Variants in MECOM observed in about 807,000 individuals in gnomAD.
MECOM encodes the protein histone-lysine N-methyltransferase MECOM.
In MECOM, 13 loss-of-function variants were observed where a neutral mutation model predicts 116.3. That is an observed-to-expected ratio of 0.11 (90% CI 0.07 to 0.18). The LOEUF (loss-of-function observed/expected upper bound fraction) is 0.18. MECOM is among the 10% of genes least tolerant of loss of function. The probability of loss-of-function intolerance (pLI) is 1.00; values close to 1 mark genes in which losing one functional copy is unlikely to be tolerated. For missense variants in MECOM, 1,299 were observed against 1,509.0 expected, an observed-to-expected ratio of 0.86 and a Z score of 2.31; for synonymous variants, 528 against 535.2, an observed-to-expected ratio of 0.99 and a Z score of 0.19.
intron 1 of MECOM, among the ~76,000 whole-genome samples, chr3:169,578,137 C>A (rs1482632130): frequency 6.6e-6 from 1 of 151,856 alleles, no homozygotes; most frequent in African/African-American, 2.4e-5. Context: ...AATTATAAGC[C>A]CTGTTCATTA....
intron 1 of MECOM, among the ~76,000 whole-genome samples, chr3:169,483,005 T>G (rs1751562944): frequency 6.6e-6 from 1 of 152,134 alleles, no homozygotes. Context: ...AGGTTTCACT[T>G]TGGTCCATAT....
intron 1 of MECOM, among the ~76,000 whole-genome samples, chr3:169,536,862 T>C (rs779911887): frequency 6.6e-6 from 1 of 152,192 alleles, no homozygotes; most frequent in African/African-American, 2.4e-5. Context: ...AATTGATTTT[T>C]CTAACATTAT....
intron 2 of MECOM, among the ~76,000 whole-genome samples, chr3:169,261,927 C>T (rs1757608894): frequency 6.6e-6 from 1 of 152,196 alleles, no homozygotes; most frequent in Non-Finnish European, 1.5e-5. Context: ...CTATCTGTAG[C>T]TACAAAGAGG....
At position 169,397,701 on chromosome 3, in the gene MECOM, G is replaced by C. The variant is rs144234833; in HGVS notation, c.38-16177C>G. Reference sequence around the variant, plus strand: ...GACACGACCTTGATAACATTCTCAAGAGTTTTAAATTCAGTTAGGTTCAGA... The same window carrying C: ...GACACGACCTTGATAACATTCTCAACAGTTTTAAATTCAGTTAGGTTCAGA... On this transcript the variant is annotated intron_variant, in intron 1 of 16. Transcript: ENST00000651503. Among the ~76,000 whole-genome samples the C allele has an allele frequency of 3.7e-4, 57 of 152,244 alleles. 1 individual carries two copies. The East Asian group carries it at 9.6e-3, about 26-fold the overall frequency.
In MECOM at chr3:169,548,194, A is replaced by C. The variant is rs924532605; in HGVS notation, c.37+115142T>G. On this transcript the variant is annotated intron_variant, in intron 1 of 16. Coordinates refer to ENST00000651503, the MANE Select transcript of MECOM (RefSeq NM_004991.4). ...TCAAAGGAAGTCACACACACACAAAAAAAAAGAAAGAAAAACTTTAAAAAT... is the reference window on the plus strand; with the variant it reads ...TCAAAGGAAGTCACACACACACAAACAAAAAGAAAGAAAAACTTTAAAAAT... Among the ~76,000 whole-genome samples the C allele has an allele frequency of 5.3e-5, 8 of 152,204 alleles. No individual in the cohort carries two copies. In the East Asian group the frequency reaches 1.2e-3, roughly 22 times the overall value.
At chr3:169,109,438 G>T (rs1726573792) in intron 9 of MECOM, among the ~76,000 whole-genome samples, 1 of 147,386 alleles carries the variant, frequency 6.8e-6, no homozygotes, top group South Asian at 2.1e-4. Context: ...TTTTGAGTTG[G>T]ACTTTCACTC....
chr3:169,377,801 A>G (rs1731294599), intron 2 of MECOM, among the ~76,000 whole-genome samples: 1 of 152,194 alleles, frequency 6.6e-6, no homozygotes, highest in Non-Finnish European at 1.5e-5. Flanking sequence ...ATACCATTTC[A>G]CCCAGCAATC....
chr3:169,248,851 C>T (rs1322075541), intron 2 of MECOM, among the ~76,000 whole-genome samples: 1 of 152,098 alleles, frequency 6.6e-6, no homozygotes, highest in Non-Finnish European at 1.5e-5. Flanking sequence ...TCAGAAGAAA[C>T]CAAGCCTGCC....
chr3:169,145,666 A>T (rs1739670262), intron 2 of MECOM: 1 of 224,838 alleles, frequency 4.4e-6, no homozygotes, highest in Non-Finnish European at 8.9e-6. Context: ...GACGTGGAAA[A>T]CTTGTTAATT....
intron 1 of MECOM, among the ~76,000 whole-genome samples, chr3:169,620,316 G>T (rs796546442): frequency 6.6e-6 from 1 of 152,100 alleles, no homozygotes; most frequent in South Asian, 2.1e-4. Context: ...TGTTAATGAC[G>T]AAGGCCTTTA....
At chr3:169,316,816 T>C (rs911015657) in intron 2 of MECOM, among the ~76,000 whole-genome samples, 1 of 152,196 alleles carries the variant, frequency 6.6e-6, no homozygotes, top group African/African-American at 2.4e-5. Context: ...GCCTCCCAAA[T>C]TGCAGGGATT....
intron 10 of MECOM, among the ~76,000 whole-genome samples, chr3:169,103,833 G>A (rs565191649): frequency 1.3e-5 from 2 of 152,262 alleles, no homozygotes; most frequent in East Asian, 1.9e-4. Flanking sequence ...GGAATATTGT[G>A]TGTTTGATTC....
At chr3:169,432,741 T>C (rs574970371) in intron 1 of MECOM, among the ~76,000 whole-genome samples, 2 of 152,340 alleles carry the variant, frequency 1.3e-5, no homozygotes, top group East Asian at 3.9e-4. Context: ...TATCAAAGAC[T>C]ACAAACAGTG....
At chr3:169,173,234 C>T (rs1264707727) in intron 2 of MECOM, among the ~76,000 whole-genome samples, 1 of 152,086 alleles carries the variant, frequency 6.6e-6, no homozygotes, top group Non-Finnish European at 1.5e-5. Flanking sequence ...TCATTTTCTA[C>T]TTCTCTGGAT....
intron 1 of MECOM, among the ~76,000 whole-genome samples, chr3:169,605,101 G>T (rs6771699): frequency 6.6e-6 from 1 of 151,864 alleles, no homozygotes; most frequent in Non-Finnish European, 1.5e-5. Context: ...CTGAGTGGGA[G>T]GTTTAGTCAA....
At chr3:169,246,468 A>C (rs74697836) in intron 2 of MECOM, among the ~76,000 whole-genome samples, 2,535 of 152,176 alleles carry the variant, frequency 0.017, 37 homozygotes, top group Non-Finnish European at 0.021. Context: ...AAATCTTATC[A>C]TATCTTGATA....
intron 2 of MECOM, among the ~76,000 whole-genome samples, chr3:169,310,241 A>G (rs1366675717): frequency 6.6e-6 from 1 of 152,210 alleles, no homozygotes; most frequent in Non-Finnish European, 1.5e-5. Flanking sequence ...TTCAACATCC[A>G]GTCCATAAAC....
At chr3:169,162,939 T>G (rs1210409887) in intron 2 of MECOM, among the ~76,000 whole-genome samples, 1 of 152,174 alleles carries the variant, frequency 6.6e-6, no homozygotes, top group East Asian at 1.9e-4. Flanking sequence ...GTAGGCAAAC[T>G]AGAAATATTT....
chr3:169,480,699 T>A (rs1751157552), intron 1 of MECOM, among the ~76,000 whole-genome samples: 1 of 152,188 alleles, frequency 6.6e-6, no homozygotes, highest in African/African-American at 2.4e-5. Flanking sequence ...GTGGTTTTTG[T>A]TCTTCAAAAA....
Sources: allele counts gnomAD v4.1 joint callset (sites outside exome capture counted in the v4.1 genomes callset), GRCh38; gene constraint gnomAD v4.1.1; transcripts MANE v1.5; gene names NCBI Gene and HGNC (gene_info 2026-07-23, HGNC 2026-07-21).